Variants in CARS2 observed in about 807,000 individuals in gnomAD.
CARS2 encodes cysteinyl-tRNA synthetase 2, mitochondrial.
Under a neutral mutation model 68.8 loss-of-function variants are expected in CARS2, and 52 were observed. That is an observed-to-expected ratio of 0.76 (90% CI 0.61 to 0.95). The LOEUF (loss-of-function observed/expected upper bound fraction) is 0.95, where lower values mean the gene tolerates loss of function less well. CARS2 is among the 40% of genes least tolerant of loss of function. The pLI is 0.00. For synonymous variants in CARS2, 314 were observed against 303.6 expected, an observed-to-expected ratio of 1.03 and a Z score of -0.36; for missense variants, 780 against 754.2, an observed-to-expected ratio of 1.03 and a Z score of -0.40.
In CARS2 at chr13:110,712,936, G is replaced by A. The variant is rs778350269; in HGVS notation, n.399+201C>T. 6 of 1,557,714 alleles carry A rather than the reference G, an allele frequency of 3.9e-6. No homozygotes were observed. The South Asian group carries it at 7.1e-5, about 18-fold the overall frequency. On this transcript the variant is annotated intron_variant and non_coding_transcript_variant, in intron 1 of 2. Coordinates refer to the CARS2 transcript ENST00000485188. ...GGTGACGGATGGCGCAGGCGCGGGA[G>A]CCGCCTAGGCTGCTGGGAGTGGTGG...
intron 3 of CARS2, among the ~76,000 whole-genome samples, chr13:110,693,241 T>A (rs1054482086): frequency 2.0e-5 from 3 of 152,174 alleles, no homozygotes; most frequent in Middle Eastern, 3.4e-3. Flanking sequence ...CTCCCTTCTC[T>A]GCACGTGGCT....
Position 110,650,820 on chromosome 13 carries a change from C to T in CARS2, c.1054+214G>A, listed in dbSNP as rs372742908. ...AGGAGTGGAGAGGACTCGAGCTTGA[C>T]GAGGAAGCCCACATCCACTGTGGGC... On this transcript the variant is annotated intron_variant, in intron 10 of 14. Transcript: ENST00000257347. 8.9e-5 allele frequency: 45 copies of T among 508,250 alleles called. No individual in the cohort carries two copies. The East Asian group carries it at 9.7e-4, about 11-fold the overall frequency. The allele number at this position is 508,250 out of a possible 1,614,324, so 31.5% of individuals were successfully genotyped here. A position where few individuals can be genotyped will look rare whatever the true frequency, so the allele number is the denominator to read the frequency against.
intron 2 of CARS2, among the ~76,000 whole-genome samples, chr13:110,702,009 T>G (rs2063800498): frequency 6.6e-6 from 1 of 152,248 alleles, no homozygotes; most frequent in African/African-American, 2.4e-5. Context: ...CTCCTAAGAA[T>G]GCACACACTA....
chr13:110,663,497 T>C lies in CARS2; in HGVS notation c.941A>G (p.Lys314Arg). ...LHSGHLHAKG[K>R]EEKMSKSLKN... ...TAATGATTTGGACATTTTTTCTTCT[T>C]TGCCTTTGGCGTGCAAATGCCCTGA... Residue 314 changes from lysine (K) to arginine (R), a missense_variant, in exon 9 of 15, where the codon AAA becomes AGA. Transcript: ENST00000257347. The C allele has an allele frequency of 6.2e-7, 1 of 1,614,136 alleles. No individual in the cohort carries two copies. Among genetic ancestry groups the C allele is most frequent in the Non-Finnish European group, 8.5e-7 (1 of 1,180,014 alleles).
In CARS2 at chr13:110,673,752, T is replaced by G. The variant is rs550847758; in HGVS notation, c.785+3222A>C. On this transcript the variant is annotated intron_variant, in intron 7 of 14. Coordinates refer to ENST00000257347, the MANE Select transcript of CARS2 (RefSeq NM_024537.4). ...GAGAAAGAAATAAAGGGTATTCAAT[T>G]AGGAAAAGAAGAAGTCAAATTGTCC... 4.1e-3 allele frequency among the ~76,000 whole-genome samples: 625 copies of G among 152,008 alleles called. 7 individuals carry two copies. The highest frequency in any genetic ancestry group is 0.014 in the African/African-American group (600 of 41,466).
exon 1 of CARS2, chr13:110,713,309 C>G (rs1594449408): frequency 1.5e-5 from 18 of 1,188,422 alleles, no homozygotes; most frequent in Non-Finnish European, 1.8e-5. Context: ...GTACCATGGT[C>G]TCGGAGGTTT....
chr13:110,642,788 G>A (rs1023674663), intron 13 of CARS2: 1 of 707,662 alleles, frequency 1.4e-6, no homozygotes, highest in Non-Finnish European at 2.6e-6. Context: ...AGGGCTGGGG[G>A]CTGCATGCCG....
chr13:110,682,988 T>G, intron 6 of CARS2, 63 bp downstream of exon 6: 1 of 1,145,550 alleles, frequency 8.7e-7, no homozygotes, highest in South Asian at 1.5e-5. Context: ...AGATCTCATC[T>G]CCCCAGAGCT....
chr13:110,709,941 A>C (rs2064013162), upstream of CARS2, among the ~76,000 whole-genome samples: 1 of 152,166 alleles, frequency 6.6e-6, no homozygotes, highest in Non-Finnish European at 1.5e-5. Flanking sequence ...CAATAACAAA[A>C]TCAAGTTCTC....
chr13:110,693,197 C>T (rs145324750), intron 3 of CARS2, among the ~76,000 whole-genome samples: 45 of 151,474 alleles, frequency 3.0e-4, no homozygotes, highest in African/African-American at 9.2e-4. Context: ...ACTTTAAAGG[C>T]TCATCAGGTA....
At position 110,713,261 on chromosome 13, in the gene CARS2, G is replaced by A. The variant is rs560975379; in HGVS notation, n.275C>T. ...TACTGCTCTGTGGGGCGGGGACGAA[G>A]AGTCAGGGGCTGAGGAGCGAGTTGC... On this transcript the variant is annotated non_coding_transcript_exon_variant, in exon 1 of 3. Transcript: ENST00000485188. The A allele has an allele frequency of 7.7e-5, 104 of 1,342,610 alleles. No homozygotes were observed. The South Asian group carries it at 1.6e-3, about 20-fold the overall frequency. The allele number at this position is 1,342,610 out of a possible 1,614,324, so 83.2% of individuals were successfully genotyped here.
rs754535107 is a variant in CARS2, at chr13:110,642,574, C to CA, written c.1417-54_1417-53insT. 2.9e-6 allele frequency: 4 copies of CA among 1,394,416 alleles called. 1 individual carries two copies. In the South Asian group the frequency reaches 4.7e-5, roughly 16 times the overall value. 86.4% of individuals were successfully genotyped at this position (1,394,416 alleles called of 1,614,324 possible). A position where few individuals can be genotyped will look rare whatever the true frequency, so the allele number is the denominator to read the frequency against. On this transcript the variant is annotated intron_variant, in intron 13 of 14. Coordinates refer to ENST00000257347, the MANE Select transcript of CARS2 (RefSeq NM_024537.4). The stretch of plus-strand genomic sequence containing the variant: ...CCCCGGAGACTGTGGATTGTGGATG[C>CA]CCCCTCCCCACCCCGTGGTTGGGCT...
intron 7 of CARS2, among the ~76,000 whole-genome samples, chr13:110,673,236 A>C (rs2062850801): frequency 6.6e-6 from 1 of 152,228 alleles, no homozygotes; most frequent in Admixed American, 6.5e-5. Flanking sequence ...TCCTGATACC[A>C]AAACCTGGCA....
At position 110,653,607 on chromosome 13, in the gene CARS2, A is replaced by G. The variant is rs1023697368; in HGVS notation, c.988-2507T>C. ...TGTAAACGCATGCAGAATTAGCCTC[A>G]ATGTGTTTTCACGCATCTCATAGTT... On this transcript the variant is annotated intron_variant, in intron 9 of 14. Transcript: ENST00000257347. The surrounding 1 kb of genome is among the most constrained non-coding windows in gnomAD (Gnocchi z 5.6). 6.6e-6 allele frequency among the ~76,000 whole-genome samples: 1 copy of G among 152,162 alleles called. No homozygotes were observed. The highest frequency in any genetic ancestry group is 1.5e-5 in the Non-Finnish European group (1 of 68,024).
chr13:110,678,288 C>T (rs369127892), intron 6 of CARS2, among the ~76,000 whole-genome samples: 343 of 152,310 alleles, frequency 2.3e-3, no homozygotes, highest in African/African-American at 7.7e-3. Flanking sequence ...TGTCAGGTAA[C>T]GCGGCTTATG....
rs1476976653 is a variant in CARS2 at position 110,646,095 on chromosome 13, G to C, written c.1194-5C>G. ...GCCCTCTTGGTGCTGGAGAGCCTGA[G>C]GGAAGAGGAGAGAACAGTCACAGCA... is the stretch of plus-strand genomic sequence containing the variant. On this transcript the variant is annotated splice_polypyrimidine_tract_variant and splice_region_variant and intron_variant, in intron 11 of 14. Coordinates refer to ENST00000257347, the MANE Select transcript of CARS2 (RefSeq NM_024537.4). The C allele has an allele frequency of 2.5e-6, 4 of 1,612,416 alleles. No homozygotes were observed. The highest frequency in any genetic ancestry group is 3.3e-5 in the Admixed American group (2 of 59,846).
upstream of CARS2, among the ~76,000 whole-genome samples, chr13:110,708,957 T>G (rs536066025): frequency 7.2e-5 from 11 of 152,140 alleles, no homozygotes; most frequent in African/African-American, 2.7e-4. Context: ...TTTCATCATG[T>G]TGGCCAGGCT....
At chr13:110,642,998 G>A (rs1048389289) in intron 13 of CARS2, 2 of 357,432 alleles carry the variant, frequency 5.6e-6, no homozygotes, top group East Asian at 1.5e-4. Context: ...TCCTCCCACT[G>A]AGAACAGATC....
intron 13 of CARS2, 62 bp from the exon 14 acceptor site, chr13:110,642,583 C>G (rs753916889): frequency 2.0e-6 from 3 of 1,510,804 alleles, no homozygotes; most frequent in Non-Finnish European, 2.8e-6. Flanking sequence ...GCCCCCTCCC[C>G]ACCCCGTGGT....
Sources: allele counts gnomAD v4.1 joint callset (sites outside exome capture counted in the v4.1 genomes callset), GRCh38; gene constraint gnomAD v4.1.1; non-coding constraint Gnocchi (gnomAD v3.1); transcripts MANE v1.5; gene names NCBI Gene and HGNC (gene_info 2026-07-23, HGNC 2026-07-21).